LARGE1: variants seen among roughly 807,000 people sequenced by gnomAD.
The protein encoded by LARGE1 is LARGE xylosyl- and glucuronyltransferase 1, also known as xylosyl- and glucuronyltransferase LARGE1.
Under a neutral mutation model 87.6 loss-of-function variants are expected in LARGE1, and 43 were observed. That is an observed-to-expected ratio of 0.49 (90% CI 0.38 to 0.63). The LOEUF is 0.63. Ranked by LOEUF, LARGE1 falls within the 30% of genes least tolerant of loss-of-function variation. The probability of loss-of-function intolerance (pLI) is 0.00; values close to 1 mark genes in which losing one functional copy is unlikely to be tolerated. For synonymous variants in LARGE1, 434 were observed against 394.6 expected, an observed-to-expected ratio of 1.10 and a Z score of -1.18; for missense variants, 802 against 1,000.2, an observed-to-expected ratio of 0.80 and a Z score of 2.67.
At chr22:33,482,944 T>C (rs1194762911) in intron 6 of LARGE1, among the ~76,000 whole-genome samples, 1 of 152,128 alleles carries the variant, frequency 6.6e-6, no homozygotes, top group African/African-American at 2.4e-5. Flanking sequence ...TACCTGATGC[T>C]GGGAAATCAG....
At chr22:33,120,337 CT>C in the LARGE1 span, among the ~76,000 whole-genome samples, 5 of 146,962 alleles carry the variant, frequency 3.4e-5, no homozygotes, top group Admixed American at 6.8e-5. Flanking sequence ...TTCTTTCTTT[CT>C]TTTTCTTTCT....
chr22:33,357,923 A>T (rs1187785566), intron 9 of LARGE1, among the ~76,000 whole-genome samples: 1 of 152,124 alleles, frequency 6.6e-6, no homozygotes, highest in East Asian at 1.9e-4. Flanking sequence ...ATGACTTTAG[A>T]CTCATGAGGA....
chr22:33,357,391 G>A (rs8137359), intron 9 of LARGE1, among the ~76,000 whole-genome samples: 2 of 152,030 alleles, frequency 1.3e-5, no homozygotes, highest in East Asian at 1.9e-4. Flanking sequence ...GAGTAATTAC[G>A]TAATGGGTAC....
At chr22:33,601,115 G>A (rs1040154472) in intron 5 of LARGE1, among the ~76,000 whole-genome samples, 1 of 152,180 alleles carries the variant, frequency 6.6e-6, no homozygotes, top group Non-Finnish European at 1.5e-5. Context: ...GCTCAGAGCA[G>A]TAGGAAACCA....
At chr22:33,453,187 C>T (rs1458712656) in intron 6 of LARGE1, among the ~76,000 whole-genome samples, 1 of 152,122 alleles carries the variant, frequency 6.6e-6, no homozygotes, top group Non-Finnish European at 1.5e-5. Flanking sequence ...GAGGCCGAGG[C>T]GGGTGGATTA....
At chr22:33,465,036 T>C (rs2068549845) in intron 6 of LARGE1, among the ~76,000 whole-genome samples, 2 of 152,194 alleles carry the variant, frequency 1.3e-5, no homozygotes, top group Admixed American at 6.5e-5. Flanking sequence ...ACAGAAGTAT[T>C]AGGAATAGCC....
chr22:33,187,687 G>A (rs1923550119), intron 11 of LARGE1, among the ~76,000 whole-genome samples: 1 of 152,096 alleles, frequency 6.6e-6, no homozygotes, highest in Admixed American at 6.5e-5. Flanking sequence ...GGGAGGCCGA[G>A]GCAGGCAGAT....
chr22:33,715,764 G>C (rs919558817), intron 2 of LARGE1, among the ~76,000 whole-genome samples: 1 of 152,178 alleles, frequency 6.6e-6, no homozygotes, highest in Non-Finnish European at 1.5e-5. Flanking sequence ...TGAGCCCCCA[G>C]TTGCAACTGC....
At chr22:33,401,276 T>TGAATTTG (rs1006890522) in intron 7 of LARGE1, among the ~76,000 whole-genome samples, 1 of 152,254 alleles carries the variant, frequency 6.6e-6, no homozygotes, top group African/African-American at 2.4e-5. Flanking sequence ...AGAATGGGAC[T>TGAATTTG]GAATTTGGAA....
chr22:33,874,906 C>A (rs2064415888), intron 1 of LARGE1, among the ~76,000 whole-genome samples: 1 of 152,196 alleles, frequency 6.6e-6, no homozygotes, highest in Admixed American at 6.5e-5. Context: ...TCACACAGCT[C>A]TAAAAGGTAG....
intron 6 of LARGE1, among the ~76,000 whole-genome samples, chr22:33,454,135 C>T (rs941780308): frequency 6.6e-6 from 1 of 152,130 alleles, no homozygotes; most frequent in Non-Finnish European, 1.5e-5. Context: ...AGAGCTATGT[C>T]GGTCATGAAA....
At chr22:33,220,371 G>A (rs9619335) in intron 11 of LARGE1, among the ~76,000 whole-genome samples, 28,213 of 151,892 alleles carry the variant, frequency 0.19, 2,923 homozygotes, top group South Asian at 0.31. Flanking sequence ...TGTTTAAAAC[G>A]TGAAAAAAAT....
intron 7 of LARGE1, among the ~76,000 whole-genome samples, chr22:33,397,260 C>T (rs954647980): frequency 2.0e-5 from 3 of 152,174 alleles, no homozygotes; most frequent in African/African-American, 7.2e-5. Context: ...GGATAACAGG[C>T]ATGTGCCACT....
intron 1 of LARGE1, among the ~76,000 whole-genome samples, chr22:33,884,612 C>T (rs751030249): frequency 3.3e-5 from 5 of 152,346 alleles, no homozygotes; most frequent in African/African-American, 4.8e-5. Context: ...GCCACCATCC[C>T]GCGGAGCTGC....
At chr22:33,534,171 G>A (rs1456982273) in intron 6 of LARGE1, among the ~76,000 whole-genome samples, 2 of 152,046 alleles carry the variant, frequency 1.3e-5, no homozygotes, top group Admixed American at 6.6e-5. Flanking sequence ...TTGGGAGGCC[G>A]AGGCAGGCGG....
At chr22:33,371,772 C>G (rs564856619) in intron 9 of LARGE1, among the ~76,000 whole-genome samples, 1 of 152,198 alleles carries the variant, frequency 6.6e-6, no homozygotes. Context: ...ATCATGAGGT[C>G]AGGAGATCGA....
At chr22:33,594,850 A>G (rs9609836) in intron 5 of LARGE1, among the ~76,000 whole-genome samples, 12,942 of 152,148 alleles carry the variant, frequency 0.085, 677 homozygotes, top group African/African-American at 0.14. Flanking sequence ...TAGGTGGTCC[A>G]CCTGCCTCAG....
In LARGE1 at chr22:33,220,750, A is replaced by G. The variant is rs914713776; in HGVS notation, c.1731-53918T>C. Among the ~76,000 whole-genome samples the G allele has an allele frequency of 5.3e-5, 8 of 152,316 alleles. No homozygotes were observed. The South Asian group carries it at 1.2e-3, about 24-fold the overall frequency. ...AGGATGCAGCACAGAAAAGGAATCA[A>G]TCTCTGAATCTTGTACCTTTATCAG... is the stretch of plus-strand genomic sequence containing the variant. On this transcript the variant is annotated intron_variant, in intron 11 of 11. Coordinates refer to the LARGE1 transcript ENST00000608642.
At chr22:33,840,299 T>C (rs1483217748) in intron 1 of LARGE1, among the ~76,000 whole-genome samples, 1 of 152,174 alleles carries the variant, frequency 6.6e-6, no homozygotes, top group East Asian at 1.9e-4. Flanking sequence ...AGGGACCTAG[T>C]TTTTAAAAGA....
Sources: allele counts gnomAD v4.1 joint callset (sites outside exome capture counted in the v4.1 genomes callset), GRCh38; gene constraint gnomAD v4.1.1; transcripts MANE v1.5; gene names NCBI Gene and HGNC (gene_info 2026-07-23, HGNC 2026-07-21).